CD244: variants seen among roughly 807,000 people sequenced by gnomAD.
CD244 encodes the protein CD244 molecule, also known as natural killer cell receptor 2B4.
CD244 carries 20 observed loss-of-function variants against 45.5 expected under a neutral mutation model. The ratio of observed to expected loss-of-function variants is 0.44; its 90% CI spans 0.31 to 0.64. The LOEUF (loss-of-function observed/expected upper bound fraction) is 0.64. CD244 is among the 30% of genes least tolerant of loss of function. CD244 has a pLI of 0.08. For missense variants in CD244, 407 were observed against 426.9 expected (o/e 0.95, Z 0.41); for synonymous variants, 185 against 160.5 (o/e 1.15, Z -1.15).
rs184790750 is a variant in CD244, at chr1:160,854,072, G to C, written c.61+8545C>G. On this transcript the variant is annotated intron_variant, in intron 1 of 8. Transcript: ENST00000368034. ...ATGGTTAAGGGAACACAAAACACAC[G>C]TGTGGCTTATGGGTCTGGTAAAGAT... Among the ~76,000 whole-genome samples, 467 of 152,314 alleles carry C rather than the reference G, an allele frequency of 3.1e-3. 5 individuals carry two copies. Among genetic ancestry groups the C allele is most frequent in the African/African-American group, 0.011 (440 of 41,566 alleles).
intron 6 of CD244, among the ~76,000 whole-genome samples, chr1:160,835,112 GC>G (rs1402090943): frequency 6.6e-6 from 1 of 151,758 alleles, no homozygotes; most frequent in East Asian, 1.9e-4. Flanking sequence ...TTTTTTTAAA[GC>G]CATTTTTATC....
intron 3 of CD244, chr1:160,839,253 C>G (rs1469816742): frequency 4.0e-6 from 2 of 501,898 alleles, no homozygotes; most frequent in African/African-American, 3.9e-5. Flanking sequence ...ATAGATATAT[C>G]AGACAGGCCT....
At chr1:160,839,940 T>C (rs1041735451) in intron 3 of CD244, among the ~76,000 whole-genome samples, 7 of 152,182 alleles carry the variant, frequency 4.6e-5, no homozygotes, top group Non-Finnish European at 8.8e-5. Flanking sequence ...GCCTGATATA[T>C]AATCCAGCCA....
In CD244 at chr1:160,841,406, C is replaced by T. The variant is rs1177732977; in HGVS notation, c.459G>A (p.Leu153=). The part of the protein sequence containing the change: ...RGRCQVALSC[L]VSRDGNVSYA... ...AGGACACATTGCCATCCCTGGAGAC[C>T]AAGCAAGACAGAGCCACTTGGCATC... is the stretch of plus-strand genomic sequence containing the variant. The change falls in exon 3 of 9, where the codon TTG becomes TTA. Residue 153 remains leucine (L), a synonymous_variant. Transcript: ENST00000368034. The T allele has an allele frequency of 1.2e-6, 2 of 1,614,214 alleles. No individual in the cohort carries two copies. Among genetic ancestry groups the T allele is most frequent in the Admixed American group, 1.7e-5 (1 of 60,028 alleles).
rs1054490835 is a variant in CD244 at position 160,862,821 on chromosome 1, G to A, written c.-144C>T. The A allele has an allele frequency of 3.1e-6, 2 of 637,222 alleles. No homozygotes were observed. Among genetic ancestry groups the A allele is most frequent in the Non-Finnish European group, 5.3e-6 (2 of 374,370 alleles). The allele number at this position is 637,222 out of a possible 1,614,324, so 39.5% of individuals were successfully genotyped here. On this transcript the variant is annotated 5_prime_UTR_variant, in exon 1 of 9. Transcript: ENST00000368034. ...TGTCCAGCCACAGTTTCCTCAATTA[G>A]AGGCTGTTAACGCCTGCTGTGAGCT...
At chr1:160,838,373 C>T (rs1308897082) in intron 5 of CD244, 78 bp downstream of exon 5, 1 of 1,054,714 alleles carries the variant, frequency 9.5e-7, no homozygotes, top group South Asian at 1.3e-5. Flanking sequence ...CTTTTTGTCC[C>T]TCTGCTCTGA....
intron 1 of CD244, among the ~76,000 whole-genome samples, chr1:160,847,196 A>C (rs1669767325): frequency 6.6e-6 from 1 of 152,132 alleles, no homozygotes; most frequent in Admixed American, 6.5e-5. Flanking sequence ...AACAAGTTTA[A>C]AATATATAAA....
intron 1 of CD244, among the ~76,000 whole-genome samples, chr1:160,857,558 G>A (rs752942809): frequency 1.1e-4 from 17 of 152,054 alleles, no homozygotes; most frequent in Admixed American, 2.6e-4. Context: ...CCATATATAC[G>A]GACAAAACAA....
chr1:160,842,384 G>C (rs2101874391), intron 1 of CD244, among the ~76,000 whole-genome samples: 1 of 152,220 alleles, frequency 6.6e-6, no homozygotes, highest in South Asian at 2.1e-4. Flanking sequence ...CCTAGTAGCT[G>C]GGAGCACAGG....
intron 1 of CD244, among the ~76,000 whole-genome samples, chr1:160,860,459 A>T (rs1670258165): frequency 6.6e-6 from 1 of 152,166 alleles, no homozygotes; most frequent in African/African-American, 2.4e-5. Flanking sequence ...AAAAAAAAAT[A>T]AAGCATATTC....
intron 1 of CD244, among the ~76,000 whole-genome samples, chr1:160,859,649 G>A (rs1180162721): frequency 6.6e-6 from 1 of 151,612 alleles, no homozygotes; most frequent in Non-Finnish European, 1.5e-5. Context: ...GCTCACACTT[G>A]TAGTCCCACC....
intron 1 of CD244, among the ~76,000 whole-genome samples, chr1:160,860,657 A>C (rs796346553): frequency 6.6e-6 from 1 of 152,248 alleles, no homozygotes; most frequent in South Asian, 2.1e-4. Context: ...AGCAAAAATT[A>C]TTGTACATTT....
chr1:160,859,742 AC>A (rs1256492180), intron 1 of CD244, among the ~76,000 whole-genome samples: 2,476 of 122,888 alleles, frequency 0.02, 69 homozygotes, highest in African/African-American at 0.093. Context: ...CCCTGTATCT[AC>A]AAAAAAAAAA....
intron 1 of CD244, among the ~76,000 whole-genome samples, chr1:160,845,571 A>G (rs1232030995): frequency 6.6e-6 from 1 of 152,182 alleles, no homozygotes; most frequent in African/African-American, 2.4e-5. Context: ...AAACAAACCG[A>G]CAAGCTGGGC....
intron 8 of CD244, among the ~76,000 whole-genome samples, chr1:160,832,250 G>C (rs1669151590): frequency 6.6e-6 from 1 of 152,126 alleles, no homozygotes; most frequent in Non-Finnish European, 1.5e-5. Context: ...CACAGCCTGG[G>C]AACTAGCTCG....
chr1:160,838,105 C>T (rs898097942), intron 5 of CD244, among the ~76,000 whole-genome samples: 4 of 152,216 alleles, frequency 2.6e-5, no homozygotes, highest in Non-Finnish European at 4.4e-5. Flanking sequence ...GAATGTAAGC[C>T]CTGACTCATT....
chr1:160,850,290 T>A (rs901857755), intron 1 of CD244, among the ~76,000 whole-genome samples: 1 of 152,088 alleles, frequency 6.6e-6, no homozygotes, highest in African/African-American at 2.4e-5. Flanking sequence ...CCTATACACC[T>A]ATTGCAACAA....
chr1:160,848,850 T>G (rs2101883806), intron 1 of CD244, among the ~76,000 whole-genome samples: 1 of 152,112 alleles, frequency 6.6e-6, no homozygotes, highest in East Asian at 1.9e-4. Flanking sequence ...ATCTGTATCC[T>G]TTGTAATATC....
intron 1 of CD244, among the ~76,000 whole-genome samples, chr1:160,845,096 A>T (rs1669684490): frequency 1.3e-5 from 2 of 152,170 alleles, no homozygotes; most frequent in Admixed American, 1.3e-4. Context: ...GCCCAGCCCA[A>T]ATTGCCAACT....
Sources: allele counts gnomAD v4.1 joint callset (sites outside exome capture counted in the v4.1 genomes callset), GRCh38; gene constraint gnomAD v4.1.1; transcripts MANE v1.5; gene names NCBI Gene and HGNC (gene_info 2026-07-23, HGNC 2026-07-21).